Variants in SOS2 observed in about 807,000 individuals in gnomAD.
SOS2 encodes son of sevenless homolog 2.
A neutral mutation model predicts 148.2 loss-of-function variants in SOS2; 65 were observed. That is an observed-to-expected ratio of 0.44 (90% CI 0.36 to 0.54). The LOEUF (loss-of-function observed/expected upper bound fraction) is 0.54, where lower values mean the gene tolerates loss of function less well. SOS2 is among the 20% of genes least tolerant of loss of function. The probability of loss-of-function intolerance (pLI) is 0.00; values close to 1 mark genes in which losing one functional copy is unlikely to be tolerated. For synonymous variants in SOS2, 539 were observed against 537.1 expected, an observed-to-expected ratio of 1.00 and a Z score of -0.05; for missense variants, 1,341 against 1,590.2, an observed-to-expected ratio of 0.84 and a Z score of 2.67.
chr14:50,145,003 A>C (rs1180179415), intron 16 of SOS2, among the ~76,000 whole-genome samples, 167 bp downstream of exon 16: 1 of 151,932 alleles, frequency 6.6e-6, no homozygotes, highest in Non-Finnish European at 1.5e-5. Flanking sequence ...TCATATTCAT[A>C]TATTAACTAA....
intron 14 of SOS2, among the ~76,000 whole-genome samples, chr14:50,147,994 T>C (rs1399979900): frequency 6.6e-6 from 1 of 152,240 alleles, no homozygotes; most frequent in East Asian, 1.9e-4. Flanking sequence ...TTGCCATCAA[T>C]GGCCTACAGA....
chr14:50,171,050 G>A (rs1292489221), intron 8 of SOS2, among the ~76,000 whole-genome samples: 1 of 151,300 alleles, frequency 6.6e-6, no homozygotes. Flanking sequence ...GGAGGCGGAG[G>A]TTGCAGTGAG....
intron 16 of SOS2, among the ~76,000 whole-genome samples, chr14:50,143,823 A>AC (rs750307081): frequency 5.2e-5 from 7 of 134,554 alleles, no homozygotes; most frequent in Non-Finnish European, 1.1e-4. Context: ...ATGCCTGGCT[A>AC]TTTTTTTTTT....
chr14:50,182,783 C>T (rs1885784740), intron 5 of SOS2, among the ~76,000 whole-genome samples, 177 bp from the exon 6 acceptor site: 1 of 152,198 alleles, frequency 6.6e-6, no homozygotes, highest in Admixed American at 6.5e-5. Context: ...AGGTTCCTAC[C>T]ATTGTCATGC....
intron 1 of SOS2, among the ~76,000 whole-genome samples, chr14:50,207,546 T>C (rs1249455652): frequency 3.3e-5 from 5 of 150,266 alleles, no homozygotes; most frequent in Admixed American, 1.3e-4. Context: ...TTTTCACTTA[T>C]GAATCCAGAA....
intron 8 of SOS2, among the ~76,000 whole-genome samples, chr14:50,174,071 G>A (rs1435694353): frequency 1.3e-5 from 2 of 152,042 alleles, no homozygotes; most frequent in East Asian, 1.9e-4. Context: ...CTCATCCTAA[G>A]CCACAGCTAC....
intron 7 of SOS2, among the ~76,000 whole-genome samples, chr14:50,176,517 T>C (rs989747050): frequency 4.6e-5 from 7 of 152,256 alleles, no homozygotes; most frequent in Admixed American, 1.3e-4. Context: ...AGCATGTATT[T>C]ACAGTGTAAG....
chr14:50,130,881 G>A, intron 19 of SOS2, 119 bp from the exon 20 acceptor site: 1 of 757,402 alleles, frequency 1.3e-6, no homozygotes, highest in Non-Finnish European at 2.1e-6. Context: ...TAAGCGTGCA[G>A]TCCTTCAGTC....
intron 18 of SOS2, among the ~76,000 whole-genome samples, chr14:50,135,642 C>CTT (rs56043962): frequency 0.28 from 23,414 of 82,778 alleles, 3,781 homozygotes; most frequent in Admixed American, 0.34. Flanking sequence ...ATGTGGTTTG[C>CTT]TTTTTTTTTT....
At chr14:50,171,201 T>G (rs114768965) in intron 8 of SOS2, among the ~76,000 whole-genome samples, 2,028 of 151,890 alleles carry the variant, frequency 0.013, 38 homozygotes, top group African/African-American at 0.045. Context: ...TTGGTAGGAA[T>G]GTACAATGGT....
At chr14:50,153,250 T>C in intron 12 of SOS2, 77 bp from the exon 13 acceptor site, 1 of 770,158 alleles carries the variant, frequency 1.3e-6, no homozygotes, top group Non-Finnish European at 2.3e-6. Context: ...AATGCCACGA[T>C]AATAGCTTTA....
intron 1 of SOS2, among the ~76,000 whole-genome samples, chr14:50,225,303 C>T (rs1391522519): frequency 6.6e-6 from 1 of 152,046 alleles, no homozygotes; most frequent in African/African-American, 2.4e-5. Context: ...TGAGATAATG[C>T]TAAATCCACT....
chr14:50,230,433 T>C (rs1252695847), intron 1 of SOS2, among the ~76,000 whole-genome samples: 1 of 152,218 alleles, frequency 6.6e-6, no homozygotes, highest in African/African-American at 2.4e-5. Flanking sequence ...GTATGGTTAC[T>C]ACCTAAATTC....
intron 7 of SOS2, among the ~76,000 whole-genome samples, chr14:50,176,508 G>C (rs1379247919): frequency 3.3e-5 from 5 of 152,290 alleles, no homozygotes; most frequent in African/African-American, 7.2e-5. Flanking sequence ...AATTTTTGTA[G>C]CATGTATTTA....
intron 7 of SOS2, among the ~76,000 whole-genome samples, chr14:50,179,750 T>G (rs556285319): frequency 6.6e-5 from 10 of 152,222 alleles, no homozygotes; most frequent in Non-Finnish European, 4.4e-5. Context: ...AGTGTTGAGA[T>G]AGTAAAAATA....
intron 1 of SOS2, among the ~76,000 whole-genome samples, chr14:50,205,886 C>T (rs1436232116): frequency 6.8e-6 from 1 of 147,344 alleles, no homozygotes; most frequent in East Asian, 2.0e-4. Flanking sequence ...CACCACTGCA[C>T]TCCAGCCTGG....
chr14:50,187,449 G>A lies in SOS2; in HGVS notation c.714+1048C>T, dbSNP rs1011247119. Among the ~76,000 whole-genome samples, 16 of 148,376 alleles carry A rather than the reference G, an allele frequency of 1.1e-4. No individual in the cohort carries two copies. The East Asian group carries it at 2.8e-3, about 26-fold the overall frequency. On this transcript the variant is annotated intron_variant, in intron 5 of 22. Transcript: ENST00000216373. ...TGCAAGCTCTGCCTCCCAGGTTCAC[G>A]CCATTCTCCTGCCTCAGCCTCCGGA...
At chr14:50,179,704 C>G (rs1465244516) in intron 7 of SOS2, among the ~76,000 whole-genome samples, 2 of 152,110 alleles carry the variant, frequency 1.3e-5, no homozygotes, top group East Asian at 3.9e-4. Flanking sequence ...ACATATTTAG[C>G]CAAGTATTAC....
chr14:50,169,791 T>C (rs1019747750), intron 8 of SOS2, among the ~76,000 whole-genome samples: 9 of 152,202 alleles, frequency 5.9e-5, no homozygotes, highest in African/African-American at 2.2e-4. Flanking sequence ...AGTTAACTCA[T>C]GGCAGATATA....
Sources: allele counts gnomAD v4.1 joint callset (sites outside exome capture counted in the v4.1 genomes callset), GRCh38; gene constraint gnomAD v4.1.1; transcripts MANE v1.5; gene names NCBI Gene and HGNC (gene_info 2026-07-23, HGNC 2026-07-21).